Variants in CNTNAP3B observed in about 807,000 individuals in gnomAD.
CNTNAP3B encodes the protein contactin-associated protein-like 3B.
Under a neutral mutation model 108.9 loss-of-function variants are expected in CNTNAP3B, and 25 were observed. The observed-to-expected ratio is 0.23, with a 90% confidence interval of 0.17 to 0.32. The LOEUF (loss-of-function observed/expected upper bound fraction) is 0.32. Ranked by LOEUF, CNTNAP3B falls within the 10% of genes least tolerant of loss-of-function variation. The pLI is 1.00. For synonymous variants in CNTNAP3B, 103 were observed against 473.4 expected (o/e 0.22, Z 10.16); for missense variants, 252 against 1,210.4 (o/e 0.21, Z 11.75).
chr9:42,082,907 G>A (rs1272636396), intron 2 of CNTNAP3B, among the ~76,000 whole-genome samples: 1 of 139,668 alleles, frequency 7.2e-6, no homozygotes, highest in Non-Finnish European at 1.5e-5. Context: ...GGTCAGATTA[G>A]ATGAGAAAGC....
rs1463303816 is a variant in CNTNAP3B at position 42,103,689 on chromosome 9, T to C, written c.196+940A>G. ...GGCAGAGCTTGCAGTGAGCTGAGAT[T>C]GCACCACCGCACTCCAGCCTGGGTG... is the stretch of plus-strand genomic sequence containing the variant. On this transcript the variant is annotated intron_variant, in intron 2 of 23. Coordinates refer to ENST00000377561, the MANE Select transcript of CNTNAP3B (RefSeq NM_001201380.3). Among the ~76,000 whole-genome samples the C allele has an allele frequency of 1.7e-4, 16 of 91,712 alleles. 3 individuals carry two copies. Among genetic ancestry groups the C allele is most frequent in the South Asian group, 1.3e-3 (4 of 3,092 alleles). 60.2% of individuals were successfully genotyped at this position (91,712 alleles called of 152,430 possible).
intron 2 of CNTNAP3B, among the ~76,000 whole-genome samples, chr9:42,098,558 G>A (rs1478397914): frequency 1.3e-5 from 1 of 79,640 alleles, no homozygotes; most frequent in Non-Finnish European, 2.6e-5. Flanking sequence ...ACTCCAGCCT[G>A]GGTGACAGAG....
chr9:42,018,912 A>T (rs1183341685), intron 3 of CNTNAP3B, among the ~76,000 whole-genome samples: 11 of 148,186 alleles, frequency 7.4e-5, no homozygotes, highest in African/African-American at 2.6e-4. Context: ...TAGGACTAGC[A>T]TATGGTAAAT....
chr9:42,002,536 G>A (rs1826023162), intron 4 of CNTNAP3B, among the ~76,000 whole-genome samples: 1 of 106,164 alleles, frequency 9.4e-6, no homozygotes, highest in African/African-American at 3.8e-5. Flanking sequence ...AGGAAGAACT[G>A]TGTCAGAAGT....
chr9:42,044,882 G>A (rs1454756953), intron 3 of CNTNAP3B, among the ~76,000 whole-genome samples: 1 of 113,270 alleles, frequency 8.8e-6, no homozygotes, highest in Non-Finnish European at 1.9e-5. Context: ...ATAAAACCTT[G>A]AGCAAGCTGA....
chr9:42,037,567 A>T (rs1283989320), intron 3 of CNTNAP3B, among the ~76,000 whole-genome samples: 2 of 123,690 alleles, frequency 1.6e-5, no homozygotes, highest in Non-Finnish European at 3.3e-5. Context: ...AAGCAAGAAG[A>T]GAAGTTTAGA....
intron 3 of CNTNAP3B, among the ~76,000 whole-genome samples, chr9:42,024,850 G>A (rs1448183132): frequency 7.5e-4 from 108 of 144,328 alleles, no homozygotes; most frequent in African/African-American, 2.7e-3. Context: ...TCCTAGAGAA[G>A]CTAATAAAGC....
At chr9:41,922,165 T>C (rs1182319037) in intron 17 of CNTNAP3B, among the ~76,000 whole-genome samples, 1 of 134,844 alleles carries the variant, frequency 7.4e-6, no homozygotes, top group African/African-American at 3.0e-5. Context: ...TAAACATTGA[T>C]ACCTAAACAC....
Position 41,915,736 on chromosome 9 carries a change from A to T in CNTNAP3B, c.2995+4334T>A, listed in dbSNP as rs1414928184. Reference sequence around the variant, plus strand: ...TTTTTTTTTTTCAGCAACAATTAAGATAATCATGTTTTTTTTTCCCCTCTC... The same window carrying T: ...TTTTTTTTTTTCAGCAACAATTAAGTTAATCATGTTTTTTTTTCCCCTCTC... On this transcript the variant is annotated intron_variant, in intron 18 of 23. Transcript: ENST00000377561. 1.4e-5 allele frequency among the ~76,000 whole-genome samples: 2 copies of T among 144,072 alleles called. 1 individual carries two copies. The highest frequency in any genetic ancestry group is 5.3e-5 in the African/African-American group (2 of 37,666). 94.5% of individuals were successfully genotyped at this position (144,072 alleles called of 152,430 possible). A position where few individuals can be genotyped will look rare whatever the true frequency, so the allele number is the denominator to read the frequency against.
intron 6 of CNTNAP3B, among the ~76,000 whole-genome samples, chr9:41,997,179 G>T (rs1825914428): frequency 6.8e-6 from 1 of 147,710 alleles, no homozygotes; most frequent in Non-Finnish European, 1.5e-5. Flanking sequence ...CCTAAATAAT[G>T]CTATGTTGGT....
chr9:42,079,668 C>T (rs979948698), intron 2 of CNTNAP3B, among the ~76,000 whole-genome samples: 1 of 136,516 alleles, frequency 7.3e-6, no homozygotes, highest in Non-Finnish European at 1.6e-5. Context: ...ATTACAGGTA[C>T]ATGCCACCAC....
rs1360600567 is a variant in CNTNAP3B, at chr9:41,953,182, C to A, written c.2080+1G>T. ...CTGTAGCCTCCAGCAGTGGCGCTTA[C>A]CTCGTGAGTCCGGGCGCCGCGCTGT... is the stretch of plus-strand genomic sequence containing the variant. On this transcript the variant is annotated splice_donor_variant, in intron 13 of 23. Coordinates refer to ENST00000377561, the MANE Select transcript of CNTNAP3B (RefSeq NM_001201380.3). LOFTEE classifies it high-confidence loss of function. 10 of 1,520,622 alleles carry A rather than the reference C, an allele frequency of 6.6e-6. No individual in the cohort carries two copies. Among genetic ancestry groups the A allele is most frequent in the Non-Finnish European group, 7.0e-6 (8 of 1,143,506 alleles). The allele number at this position is 1,520,622 out of a possible 1,614,324, so 94.2% of individuals were successfully genotyped here. A position where few individuals can be genotyped will look rare whatever the true frequency, so the allele number is the denominator to read the frequency against.
At position 42,114,865 on chromosome 9, in the gene CNTNAP3B, C is replaced by T. The variant is rs1466287932; in HGVS notation, c.86-10126G>A. On this transcript the variant is annotated intron_variant, in intron 1 of 23. Transcript: ENST00000377561. The stretch of plus-strand genomic sequence containing the variant: ...GGTCAGGAGTTTGAGACGAGCCTGG[C>T]CAACATGGTGAAACTCCATCTTTAG... Among the ~76,000 whole-genome samples, 84 of 135,768 alleles carry T rather than the reference C, an allele frequency of 6.2e-4. 14 individuals are homozygous for T. The highest frequency in any genetic ancestry group is 2.5e-3 in the African/African-American group (84 of 33,948). 89.1% of individuals were successfully genotyped at this position (135,768 alleles called of 152,430 possible).
At chr9:41,931,521 A>G (rs1006922997) in intron 14 of CNTNAP3B, among the ~76,000 whole-genome samples, 1 of 152,242 alleles carries the variant, frequency 6.6e-6, no homozygotes, top group African/African-American at 2.4e-5. Flanking sequence ...TGGCTATATT[A>G]TTTAAGATTA....
intron 1 of CNTNAP3B, among the ~76,000 whole-genome samples, chr9:42,121,270 C>T (rs545895978): frequency 7.2e-6 from 1 of 138,874 alleles, no homozygotes; most frequent in East Asian, 2.2e-4. Context: ...AATGACACCC[C>T]CTTTTGGTGG....
At chr9:42,127,573 T>C (rs1391158273) in intron 1 of CNTNAP3B, among the ~76,000 whole-genome samples, 4 of 139,634 alleles carry the variant, frequency 2.9e-5, no homozygotes, top group Non-Finnish European at 6.1e-5. Context: ...AAGTAACTCA[T>C]TTATGTGTTT....
chr9:42,111,658 T>C (rs1448503197), intron 1 of CNTNAP3B, among the ~76,000 whole-genome samples: 2 of 138,904 alleles, frequency 1.4e-5, no homozygotes, highest in African/African-American at 2.9e-5. Context: ...TATTTGATCT[T>C]AGATTTTGGT....
intron 1 of CNTNAP3B, among the ~76,000 whole-genome samples, chr9:42,126,729 C>A (rs1232876934): frequency 5.2e-5 from 7 of 135,828 alleles, no homozygotes; most frequent in Non-Finnish European, 4.7e-5. Context: ...GCCACCACGC[C>A]CGGCTAATTT....
chr9:42,030,915 TC>T (rs201075038), intron 3 of CNTNAP3B, among the ~76,000 whole-genome samples: 1,569 of 114,462 alleles, frequency 0.014, 146 homozygotes, highest in South Asian at 0.057. Flanking sequence ...TCAGCCTCTT[TC>T]AAGGCCCAAG....
Sources: allele counts gnomAD v4.1 joint callset (sites outside exome capture counted in the v4.1 genomes callset), GRCh38; gene constraint gnomAD v4.1.1; transcripts MANE v1.5; gene names NCBI Gene and HGNC (gene_info 2026-07-23, HGNC 2026-07-21).